Variants in ATP13A5 observed in about 807,000 individuals in gnomAD.
ATP13A5 encodes the protein ATPase 13A5.
Under a neutral mutation model 150.2 loss-of-function variants are expected in ATP13A5, and 149 were observed. That is an observed-to-expected ratio of 0.99 (90% CI 0.87 to 1.14). ATP13A5 has a LOEUF of 1.14. Ranked by LOEUF, ATP13A5 falls within the 50% of genes most tolerant of loss-of-function variation. The probability of loss-of-function intolerance (pLI) is 0.00; values close to 1 mark genes in which losing one functional copy is unlikely to be tolerated. For missense variants in ATP13A5, 1,383 were observed against 1,449.3 expected (o/e 0.95, Z 0.74); for synonymous variants, 497 against 522.2 (o/e 0.95, Z 0.66).
At chr3:193,314,311 CTTATT>C in intron 18 of ATP13A5, 118 bp from the exon 19 acceptor site, 1 of 1,089,534 alleles carries the variant, frequency 9.2e-7, no homozygotes, top group South Asian at 1.6e-5. Context: ...CGCTTTCTGC[CTTATT>C]TTATCTTCCT....
In ATP13A5 at chr3:193,285,167, A is replaced by G. The variant is rs1226277930; in HGVS notation, c.3024-51T>C. On this transcript the variant is annotated intron_variant, in intron 26 of 29. Coordinates refer to ENST00000342358, the MANE Select transcript of ATP13A5 (RefSeq NM_198505.4). ...GAAACATTTGATTCCATTTTTGTCC[A>G]TTAGGTGAAAAAAAAAATAATTTAA... The G allele has an allele frequency of 3.4e-6, 5 of 1,470,754 alleles. No homozygotes were observed. The South Asian group carries it at 5.0e-5, about 15-fold the overall frequency. The allele number at this position is 1,470,754 out of a possible 1,614,324, so 91.1% of individuals were successfully genotyped here.
intron 25 of ATP13A5, among the ~76,000 whole-genome samples, chr3:193,295,001 T>C (rs977688683): frequency 3.9e-5 from 6 of 152,090 alleles, no homozygotes; most frequent in African/African-American, 1.4e-4. Flanking sequence ...TTCTTCTGAA[T>C]ATGCATCACT....
chr3:193,280,137 G>A (rs1435765227), intron 27 of ATP13A5, among the ~76,000 whole-genome samples: 19 of 151,894 alleles, frequency 1.3e-4, no homozygotes, highest in Admixed American at 1.0e-3. Flanking sequence ...TGCAACCTCC[G>A]CCTCCCTGGT....
intron 27 of ATP13A5, among the ~76,000 whole-genome samples, chr3:193,279,813 T>C (rs1383839597): frequency 6.6e-6 from 1 of 151,878 alleles, no homozygotes; most frequent in Admixed American, 6.6e-5. Context: ...AGAATAAAGT[T>C]CAGGGATCCT....
At chr3:193,367,992 G>A (rs893887322) in intron 1 of ATP13A5, among the ~76,000 whole-genome samples, 3 of 140,700 alleles carry the variant, frequency 2.1e-5, no homozygotes. Flanking sequence ...GAAGGAAAGG[G>A]AAGGGGAGGG....
intron 23 of ATP13A5, 109 bp from the exon 24 acceptor site, chr3:193,301,416 CACTTAATCAT>C (rs1231945851): frequency 1.2e-5 from 9 of 736,474 alleles, no homozygotes; most frequent in Non-Finnish European, 1.1e-5. Context: ...GACATACATT[CACTTAATCAT>C]GAATTCATCC....
intron 21 of ATP13A5, among the ~76,000 whole-genome samples, chr3:193,307,892 A>G (rs1407334652): frequency 6.6e-6 from 1 of 152,236 alleles, no homozygotes; most frequent in Non-Finnish European, 1.5e-5. Flanking sequence ...TTTTCCATCT[A>G]TATCAGTTTG....
intron 1 of ATP13A5, among the ~76,000 whole-genome samples, chr3:193,374,200 A>G (rs9861390): frequency 1.5e-3 from 227 of 152,276 alleles, no homozygotes; most frequent in African/African-American, 5.2e-3. Flanking sequence ...ATAAAATAAT[A>G]CCTATCGGTC....
intron 28 of ATP13A5, 114 bp downstream of exon 28, chr3:193,279,252 C>A (rs575424519): frequency 1.4e-5 from 11 of 787,350 alleles, no homozygotes; most frequent in East Asian, 7.7e-5. Context: ...ATAGAAATAG[C>A]CTCACAGTAT....
chr3:193,293,474 C>T (rs1170984597), intron 25 of ATP13A5, among the ~76,000 whole-genome samples: 1 of 152,106 alleles, frequency 6.6e-6, no homozygotes, highest in African/African-American at 2.4e-5. Flanking sequence ...CATCTGCACT[C>T]AGCAGACTGT....
At chr3:193,329,605 G>A (rs1711552403) in intron 12 of ATP13A5, among the ~76,000 whole-genome samples, 1 of 152,140 alleles carries the variant, frequency 6.6e-6, no homozygotes. Flanking sequence ...GTGTTATTTG[G>A]CCCTGAATCT....
intron 1 of ATP13A5, among the ~76,000 whole-genome samples, chr3:193,373,751 G>A (rs991644739): frequency 1.3e-5 from 2 of 152,126 alleles, no homozygotes; most frequent in African/African-American, 4.8e-5. Context: ...AGGCCAAAGA[G>A]GTGTCCACAA....
In ATP13A5 at chr3:193,351,114, T is replaced by C. The variant is rs373135650; in HGVS notation, c.694A>G (p.Ile232Val). 2 of 1,613,626 alleles carry C rather than the reference T, an allele frequency of 1.2e-6. No homozygotes were observed. The highest frequency in any genetic ancestry group is 1.7e-6 in the Non-Finnish European group (2 of 1,179,768). Reference protein sequence around the residue: ...GYIEYSVAIIILTVISIVLSV... With the variant: ...GYIEYSVAIIVLTVISIVLSV... Reference sequence around the variant, plus strand: ...AAGACAATGGAGATAACAGTCAAAATGATGATGGCCACAGAGTATTCTATG... The same window carrying C: ...AAGACAATGGAGATAACAGTCAAAACGATGATGGCCACAGAGTATTCTATG... Residue 232 changes from isoleucine (I) to valine (V), a missense_variant, in exon 7 of 30, where the codon ATT (isoleucine) becomes GTT (valine). Transcript: ENST00000342358.
intron 27 of ATP13A5, chr3:193,281,121 A>G (rs1467283754): frequency 2.2e-6 from 2 of 921,166 alleles, no homozygotes; most frequent in African/African-American, 1.8e-5. Context: ...ATCTCTCAGG[A>G]TAAAGCAATC....
At chr3:193,286,719 A>G (rs1276921030) in intron 26 of ATP13A5, among the ~76,000 whole-genome samples, 2 of 152,134 alleles carry the variant, frequency 1.3e-5, no homozygotes, top group Non-Finnish European at 2.9e-5. Context: ...AATCTGTTCA[A>G]TTAATAACCC....
intron 14 of ATP13A5, among the ~76,000 whole-genome samples, chr3:193,324,209 G>A (rs1008536014): frequency 1.8e-4 from 28 of 152,058 alleles, no homozygotes; most frequent in Admixed American, 4.6e-4. Flanking sequence ...ATACCCTTCC[G>A]TTTTCATTCA....
At chr3:193,356,388 C>T (rs1712791077) in intron 5 of ATP13A5, among the ~76,000 whole-genome samples, 1 of 152,018 alleles carries the variant, frequency 6.6e-6, no homozygotes, top group Admixed American at 6.6e-5. Flanking sequence ...GAATTGATGG[C>T]TGAATGAGGG....
At position 193,312,169 on chromosome 3, in the gene ATP13A5, C is replaced by T. The variant is rs115187729; in HGVS notation, c.2320-228G>A. Reference sequence around the variant, plus strand: ...TTGGACAGTATGGTACTCTGGATCCCGTCTTGGGAGATAATATGTATGATG... The same window carrying T: ...TTGGACAGTATGGTACTCTGGATCCTGTCTTGGGAGATAATATGTATGATG... On this transcript the variant is annotated intron_variant, in intron 19 of 29. Transcript: ENST00000342358. 4.7e-3 allele frequency among the ~76,000 whole-genome samples: 713 copies of T among 152,236 alleles called. 4 individuals carry two copies. The highest frequency in any genetic ancestry group is 6.6e-3 in the Non-Finnish European group (448 of 68,016).
intron 28 of ATP13A5, among the ~76,000 whole-genome samples, chr3:193,278,785 G>A (rs533477065): frequency 4.2e-4 from 64 of 152,264 alleles, no homozygotes; most frequent in Admixed American, 2.1e-3. Flanking sequence ...GTTCAAGTAT[G>A]TCTCATCTTC....
Sources: allele counts gnomAD v4.1 joint callset (sites outside exome capture counted in the v4.1 genomes callset), GRCh38; gene constraint gnomAD v4.1.1; transcripts MANE v1.5; gene names NCBI Gene and HGNC (gene_info 2026-07-23, HGNC 2026-07-21).